The following RBFOX3 variants were observed in gnomAD, a reference collection of about 807,000 sequenced individuals.
The protein encoded by RBFOX3 is RNA binding protein fox-1 homolog 3.
RBFOX3 carries 17 observed loss-of-function variants against 48.7 expected under a neutral mutation model. The observed-to-expected ratio is 0.35, with a 90% CI of 0.24 to 0.52. RBFOX3 has a LOEUF of 0.52. Among genes scored for constraint, RBFOX3 ranks in the 20% least tolerant of loss-of-function variants. The pLI, the probability that RBFOX3 is intolerant of heterozygous loss-of-function variation, is 0.94. For missense variants in RBFOX3, 382 were observed against 497.5 expected (o/e 0.77, Z 2.21); for synonymous variants, 212 against 209.5 (o/e 1.01, Z -0.10).
At position 79,215,142 on chromosome 17, in the gene RBFOX3, C is replaced by T. The variant is rs534717357; in HGVS notation, c.-34+20624G>A. On this transcript the variant is annotated intron_variant, in intron 4 of 14. Coordinates refer to ENST00000693108, the MANE Select transcript of RBFOX3 (RefSeq NM_001350451.2). The stretch of plus-strand genomic sequence containing the variant: ...TTCCTGTGCCATCTGTTTGTCCCAT[C>T]GGGTTGGCTCTGGGGGAAGTGGGAG... Among the ~76,000 whole-genome samples the T allele has an allele frequency of 2.0e-4, 31 of 152,272 alleles. 1 individual carries two copies. Among genetic ancestry groups the T allele is most frequent in the African/African-American group, 4.8e-4 (20 of 41,562 alleles).
Position 79,311,587 on chromosome 17 carries a change from TAATC to T in RBFOX3, c.-174-3767_-174-3764del, listed in dbSNP as rs1050552920. 6.6e-6 allele frequency among the ~76,000 whole-genome samples: 1 copy of T among 152,112 alleles called. No homozygotes were observed. The highest frequency in any genetic ancestry group is 2.4e-5 in the African/African-American group (1 of 41,408). ...TCTGTCCTATCTGTCAATCAATCAA[TAATC>T]AATCAATCAATCATCTACCTACCTA... On this transcript the variant is annotated intron_variant, in intron 2 of 14. Coordinates refer to ENST00000693108, the MANE Select transcript of RBFOX3 (RefSeq NM_001350451.2). This position sits in a 1 kb window ranked among gnomAD's most constrained non-coding sequence, Gnocchi z 4.2.
chr17:79,542,274 C>T (rs2089827281), intron 1 of RBFOX3, among the ~76,000 whole-genome samples: 1 of 152,220 alleles, frequency 6.6e-6, no homozygotes, highest in African/African-American at 2.4e-5. Flanking sequence ...CGGCTTCACC[C>T]TCCCTGGCTG....
the RBFOX3 span, among the ~76,000 whole-genome samples, chr17:79,628,697 C>A: frequency 6.6e-6 from 1 of 152,344 alleles, no homozygotes; most frequent in Admixed American, 6.5e-5. Context: ...CATGAGGCAG[C>A]AATTCCCTGT....
the RBFOX3 span, among the ~76,000 whole-genome samples, chr17:79,635,059 C>CAAAAAAAAA: frequency 3.7e-5 from 2 of 53,494 alleles, no homozygotes; most frequent in African/African-American, 1.1e-4. Flanking sequence ...GACTCCATCT[C>CAAAAAAAAA]AAAAAAAAAA....
At chr17:79,183,834 C>T (rs1165384660) in intron 4 of RBFOX3, among the ~76,000 whole-genome samples, 1 of 152,184 alleles carries the variant, frequency 6.6e-6, no homozygotes, top group Non-Finnish European at 1.5e-5. Flanking sequence ...TGATCCCACA[C>T]TTAACCCCTC....
At chr17:79,096,620 T>TTGCCCCCC in intron 12 of RBFOX3, 33 bp downstream of exon 12, 17 of 1,502,340 alleles carry the variant, frequency 1.1e-5, no homozygotes, top group Non-Finnish European at 1.5e-5. Flanking sequence ...GAACGCCTGA[T>TTGCCCCCC]CCCACCCTCC....
chr17:79,627,301 C>T, the RBFOX3 span, among the ~76,000 whole-genome samples: 1 of 152,208 alleles, frequency 6.6e-6, no homozygotes, highest in Non-Finnish European at 1.5e-5. Context: ...TTCCCCCACC[C>T]CCTGGAGTGT....
intron 1 of RBFOX3, among the ~76,000 whole-genome samples, chr17:79,506,879 C>G (rs1282026768): frequency 1.3e-5 from 2 of 152,330 alleles, no homozygotes; most frequent in East Asian, 3.9e-4. Flanking sequence ...CCCCACGATC[C>G]AGAGGATGGG....
At chr17:79,271,161 T>C (rs936542350) in intron 3 of RBFOX3, among the ~76,000 whole-genome samples, 1 of 151,650 alleles carries the variant, frequency 6.6e-6, no homozygotes, top group African/African-American at 2.4e-5. Flanking sequence ...CTGCAACCTC[T>C]GCCTCCCGGG....
chr17:79,166,253 C>A (rs1486376166), intron 4 of RBFOX3, among the ~76,000 whole-genome samples: 1 of 68,460 alleles, frequency 1.5e-5, no homozygotes. Context: ...CCCTCCTGCA[C>A]CCCCCAGCGC....
chr17:79,451,461 TC>T lies in RBFOX3; in HGVS notation c.-175+30992del, dbSNP rs374207757. Among the ~76,000 whole-genome samples, 114 of 152,290 alleles carry T rather than the reference TC, an allele frequency of 7.5e-4. No individual in the cohort carries two copies. The East Asian group carries it at 0.016, about 21-fold the overall frequency. On this transcript the variant is annotated intron_variant, in intron 2 of 14. Coordinates refer to ENST00000693108, the MANE Select transcript of RBFOX3 (RefSeq NM_001350451.2). The stretch of plus-strand genomic sequence containing the variant: ...TAGAGAGGAAGCTGGGGAAGTCTGT[TC>T]AAATCTTCCCTAGAGACAAATCTCT...
chr17:79,360,302 C>G (rs954384924), intron 2 of RBFOX3, among the ~76,000 whole-genome samples: 13 of 152,140 alleles, frequency 8.5e-5, no homozygotes, highest in Admixed American at 3.3e-4. Flanking sequence ...AACAGAGAGC[C>G]TGGCCCATCA....
intron 2 of RBFOX3, among the ~76,000 whole-genome samples, chr17:79,402,212 T>C (rs2062897614): frequency 6.6e-6 from 1 of 152,246 alleles, no homozygotes; most frequent in African/African-American, 2.4e-5. Flanking sequence ...ACTTGGCAGC[T>C]GCTCAAATTT....
intron 1 of RBFOX3, among the ~76,000 whole-genome samples, chr17:79,497,569 A>G (rs1485095045): frequency 2.6e-5 from 4 of 152,268 alleles, no homozygotes; most frequent in Admixed American, 2.6e-4. Flanking sequence ...GTGTCCACAC[A>G]AAGCCTGGCT....
intron 2 of RBFOX3, among the ~76,000 whole-genome samples, chr17:79,444,784 GATATATATATAGTCAGTT>G (rs1481148647): frequency 3.3e-5 from 5 of 151,664 alleles, no homozygotes; most frequent in African/African-American, 1.2e-4. Context: ...TATACATTCA[GATATATATATAGTCAGTT>G]ATATATATGC....
At chr17:79,328,680 A>C (rs1332024271) in intron 2 of RBFOX3, among the ~76,000 whole-genome samples, 1 of 152,088 alleles carries the variant, frequency 6.6e-6, no homozygotes, top group Non-Finnish European at 1.5e-5. Context: ...AGGCTTTGAG[A>C]CCCAAGCAAA....
intron 3 of RBFOX3, among the ~76,000 whole-genome samples, chr17:79,279,282 C>G (rs1269753138): frequency 6.6e-6 from 1 of 152,170 alleles, no homozygotes; most frequent in Non-Finnish European, 1.5e-5. Flanking sequence ...GACATGGGTC[C>G]TGGCACACAG....
At chr17:79,115,160 G>C (rs983585862) in intron 5 of RBFOX3, among the ~76,000 whole-genome samples, 1 of 152,232 alleles carries the variant, frequency 6.6e-6, no homozygotes, top group African/African-American at 2.4e-5. Flanking sequence ...CCTCCCAGCT[G>C]GGGTGAGTGT....
intron 3 of RBFOX3, among the ~76,000 whole-genome samples, chr17:79,244,782 C>CTCCT (rs367792651): frequency 2.2e-5 from 3 of 139,066 alleles, no homozygotes; most frequent in South Asian, 2.4e-4. Flanking sequence ...TTCCTTTATT[C>CTCCT]TCCTTCCTTC....
Sources: allele counts gnomAD v4.1 joint callset (sites outside exome capture counted in the v4.1 genomes callset), GRCh38; gene constraint gnomAD v4.1.1; non-coding constraint Gnocchi (gnomAD v3.1); transcripts MANE v1.5; gene names NCBI Gene and HGNC (gene_info 2026-07-23, HGNC 2026-07-21).